Variants in MDFIC observed in about 807,000 individuals in gnomAD.
The protein encoded by MDFIC is myoD family inhibitor domain-containing protein.
In MDFIC, 17 loss-of-function variants were observed where a neutral mutation model predicts 23.2. That is an observed-to-expected ratio of 0.73 (90% CI 0.50 to 1.10). The LOEUF is 1.10. Among genes scored for constraint, MDFIC ranks in the 50% least tolerant of loss-of-function variants. The pLI is 0.00. For synonymous variants in MDFIC, 120 were observed against 115.2 expected (o/e 1.04, Z -0.27); for missense variants, 356 against 316.6 (o/e 1.12, Z -0.95).
intron 4 of MDFIC, among the ~76,000 whole-genome samples, chr7:114,990,902 T>C (rs1791142520): frequency 6.6e-6 from 1 of 152,132 alleles, no homozygotes; most frequent in Non-Finnish European, 1.5e-5. Context: ...TTTCTAGTAC[T>C]AGATCCTTGA....
intron 3 of MDFIC, among the ~76,000 whole-genome samples, chr7:114,971,189 T>C (rs952349088): frequency 2.6e-5 from 4 of 152,142 alleles, no homozygotes; most frequent in African/African-American, 9.7e-5. Flanking sequence ...TTCTGCAGAG[T>C]ACCATGAAGA....
intron 4 of MDFIC, among the ~76,000 whole-genome samples, chr7:114,997,763 AAAAAGAAAAG>A (rs375379055): frequency 6.5e-4 from 98 of 151,694 alleles, no homozygotes; most frequent in African/African-American, 2.1e-3. Context: ...ACAGAAAAAA[AAAAAGAAAAG>A]AAAAGAAAAG....
At chr7:114,936,087 T>A (rs542303676) in intron 2 of MDFIC, among the ~76,000 whole-genome samples, 2 of 152,278 alleles carry the variant, frequency 1.3e-5, no homozygotes, top group South Asian at 4.1e-4. Context: ...TATTCCCATT[T>A]AAAGTTGAAG....
intron 3 of MDFIC, among the ~76,000 whole-genome samples, chr7:114,966,860 A>G (rs936732812): frequency 1.3e-5 from 2 of 152,198 alleles, no homozygotes; most frequent in Non-Finnish European, 2.9e-5. Flanking sequence ...GCAATAGGAC[A>G]ATATGGAGGA....
intron 3 of MDFIC, among the ~76,000 whole-genome samples, chr7:114,976,557 A>T (rs1793319092): frequency 6.6e-6 from 1 of 152,148 alleles, no homozygotes; most frequent in Admixed American, 6.6e-5. Flanking sequence ...TGAAAAGGGC[A>T]TATATAACTG....
At chr7:115,004,446 A>G (rs1157037950) in intron 4 of MDFIC, among the ~76,000 whole-genome samples, 1 of 152,244 alleles carries the variant, frequency 6.6e-6, no homozygotes, top group African/African-American at 2.4e-5. Context: ...GCTGTTCTCC[A>G]CAAAGAGAAA....
intron 4 of MDFIC, 86 bp from the exon 5 acceptor site, chr7:115,015,602 T>C: frequency 6.6e-7 from 1 of 1,521,362 alleles, no homozygotes; most frequent in Non-Finnish European, 8.9e-7. Flanking sequence ...ACTATTTTGC[T>C]CAATTCTTAT....
chr7:114,925,099 G>A (rs950410044), intron 2 of MDFIC, among the ~76,000 whole-genome samples: 2 of 152,020 alleles, frequency 1.3e-5, no homozygotes, highest in African/African-American at 4.8e-5. Context: ...ATTAAAGTCA[G>A]TAAGAAAAGT....
intron 4 of MDFIC, among the ~76,000 whole-genome samples, chr7:115,012,257 G>A (rs1791697296): frequency 6.6e-6 from 1 of 152,060 alleles, no homozygotes; most frequent in Non-Finnish European, 1.5e-5. Flanking sequence ...ATAAAAGTTA[G>A]GGAAAAACAT....
chr7:115,015,603 C>T (rs1791778970), intron 4 of MDFIC, 85 bp from the exon 5 acceptor site: 2 of 1,521,162 alleles, frequency 1.3e-6, no homozygotes, highest in Non-Finnish European at 1.8e-6. Context: ...CTATTTTGCT[C>T]AATTCTTATT....
intron 3 of MDFIC, among the ~76,000 whole-genome samples, chr7:114,952,079 T>C (rs567963588): frequency 3.3e-5 from 5 of 152,236 alleles, no homozygotes; most frequent in Non-Finnish European, 5.9e-5. Context: ...CCATTTCTGG[T>C]AAACATAAAG....
At chr7:115,005,313 G>T (rs1217974322) in intron 4 of MDFIC, among the ~76,000 whole-genome samples, 1 of 152,206 alleles carries the variant, frequency 6.6e-6, no homozygotes, top group Non-Finnish European at 1.5e-5. Flanking sequence ...CACTTATGAA[G>T]ATGGAAGGGT....
At chr7:114,991,371 A>C (rs1585116144) in intron 4 of MDFIC, among the ~76,000 whole-genome samples, 1 of 151,868 alleles carries the variant, frequency 6.6e-6, no homozygotes, top group Non-Finnish European at 1.5e-5. Flanking sequence ...CCATTTGTCA[A>C]TTTTGTCTTT....
intron 3 of MDFIC, among the ~76,000 whole-genome samples, chr7:114,964,571 G>T (rs1373420702): frequency 2.3e-5 from 3 of 129,606 alleles, no homozygotes; most frequent in African/African-American, 5.9e-5. Context: ...CTCCCCTTCC[G>T]ACAGAACATC....
chr7:114,937,985 C>T (rs566114987), intron 2 of MDFIC, among the ~76,000 whole-genome samples: 2 of 152,012 alleles, frequency 1.3e-5, no homozygotes, highest in Non-Finnish European at 2.9e-5. Flanking sequence ...AATGGGATTT[C>T]GCTCTTGTTG....
chr7:114,928,084 T>C (rs1792229824), intron 2 of MDFIC, among the ~76,000 whole-genome samples: 1 of 152,212 alleles, frequency 6.6e-6, no homozygotes, highest in Admixed American at 6.5e-5. Context: ...TTCTAACTTT[T>C]TATGCCTAAA....
intron 3 of MDFIC, among the ~76,000 whole-genome samples, chr7:114,972,599 G>A (rs959467160): frequency 1.3e-5 from 2 of 151,998 alleles, no homozygotes; most frequent in East Asian, 3.9e-4. Flanking sequence ...ACCCTGCATT[G>A]TAAAGATTGT....
At chr7:114,927,363 T>G (rs1222146298) in intron 2 of MDFIC, among the ~76,000 whole-genome samples, 1 of 151,736 alleles carries the variant, frequency 6.6e-6, no homozygotes, top group African/African-American at 2.4e-5. Flanking sequence ...TCAGAAAGCT[T>G]TTTAAAAGTT....
chr7:114,931,796 T>C lies in MDFIC; in HGVS notation c.94+8669T>C, dbSNP rs147973136. Among the ~76,000 whole-genome samples, 75 of 152,224 alleles carry C rather than the reference T, an allele frequency of 4.9e-4. No individual in the cohort carries two copies. In the East Asian group the frequency reaches 0.014, roughly 27 times the overall value. On this transcript the variant is annotated intron_variant, in intron 2 of 4. Transcript: ENST00000393486. The stretch of plus-strand genomic sequence containing the variant: ...GTGTCCATAGTTGAAGAATATACCG[T>C]TTGTAGGGTTTTTTGGTGAGAATTA...
Sources: allele counts gnomAD v4.1 joint callset (sites outside exome capture counted in the v4.1 genomes callset), GRCh38; gene constraint gnomAD v4.1.1; transcripts MANE v1.5; gene names NCBI Gene and HGNC (gene_info 2026-07-23, HGNC 2026-07-21).